The following BIRC6 variants were observed in gnomAD, a reference collection of about 807,000 sequenced individuals.
BIRC6 encodes the protein dual E2 ubiquitin-conjugating enzyme/E3 ubiquitin-protein ligase BIRC6.
In BIRC6, 98 loss-of-function variants were observed where a neutral mutation model predicts 503.3. The observed-to-expected ratio is 0.19, with a 90% CI of 0.17 to 0.23. The LOEUF (loss-of-function observed/expected upper bound fraction) is 0.23. Among genes scored for constraint, BIRC6 ranks in the 10% least tolerant of loss-of-function variants. The pLI is 1.00. For missense variants in BIRC6, 5,360 were observed against 5,806.0 expected (o/e 0.92, Z 2.50); for synonymous variants, 2,240 against 2,078.7 (o/e 1.08, Z -2.11).
chr2:32,512,238 T>C (rs2054524497), intron 53 of BIRC6, among the ~76,000 whole-genome samples: 1 of 152,182 alleles, frequency 6.6e-6, no homozygotes, highest in Non-Finnish European at 1.5e-5. Context: ...TTTCTTTTAG[T>C]GTGAAGCCAA....
intron 39 of BIRC6, among the ~76,000 whole-genome samples, chr2:32,483,219 A>AT (rs1321583395): frequency 6.6e-6 from 1 of 151,894 alleles, no homozygotes; most frequent in Non-Finnish European, 1.5e-5. Flanking sequence ...GCCTGGCTTT[A>AT]TTTTTACACT....
intron 3 of BIRC6, among the ~76,000 whole-genome samples, chr2:32,387,620 G>A (rs551809254): frequency 6.1e-4 from 93 of 152,310 alleles, no homozygotes; most frequent in African/African-American, 1.8e-3. Context: ...TATAAGGCCT[G>A]TGTTTTTAGT....
intron 1 of BIRC6, among the ~76,000 whole-genome samples, chr2:32,358,342 T>G (rs2033512396): frequency 6.6e-6 from 1 of 152,044 alleles, no homozygotes; most frequent in South Asian, 2.1e-4. Context: ...CACTTCTGGG[T>G]GGCGTAAACC....
chr2:32,436,754 G>T (rs1339050354), intron 15 of BIRC6, among the ~76,000 whole-genome samples: 1 of 152,018 alleles, frequency 6.6e-6, no homozygotes, highest in Non-Finnish European at 1.5e-5. Flanking sequence ...AGTAGAGATG[G>T]GGTTTCACCA....
intron 9 of BIRC6, among the ~76,000 whole-genome samples, chr2:32,411,232 T>C (rs2041837972): frequency 6.7e-6 from 1 of 150,122 alleles, no homozygotes; most frequent in African/African-American, 2.5e-5. Context: ...GAGACGGGAG[T>C]TTCACCATGT....
rs371138775 is a variant in BIRC6 at position 32,617,743 on chromosome 2, C to T, written c.14413C>T (p.Arg4805Cys). Residue 4805 changes from arginine (R) to cysteine (C), a missense_variant, in exon 74 of 74, where the codon CGC becomes TGC. Physicochemically the swap from Arg to Cys is radical, Grantham distance 180. This residue lies in a region of BIRC6 where 140 missense variants were observed against 130.2 expected (regional missense o/e 1.07). Coordinates refer to ENST00000421745, the MANE Select transcript of BIRC6 (RefSeq NM_016252.4). The stretch of plus-strand genomic sequence containing the variant: ...TGCATAGCGTCACACTGCTCAGCTC[C>T]GCGAAGAGTTGCTGAAACTTCCCTG... ...AALKRHTAQLREELLKLPCPE... is the reference protein window; with the variant it reads ...AALKRHTAQLCEELLKLPCPE... The T allele has an allele frequency of 8.7e-6, 14 of 1,613,806 alleles. No homozygotes were observed. The highest frequency in any genetic ancestry group is 2.7e-5 in the African/African-American group (2 of 74,918).
At chr2:32,453,063 G>T (rs2046883358) in intron 22 of BIRC6, among the ~76,000 whole-genome samples, 3 of 149,362 alleles carry the variant, frequency 2.0e-5, no homozygotes, top group South Asian at 2.1e-4. Flanking sequence ...TTAAATGAGT[G>T]CTAATTCCAA....
At chr2:32,532,909 C>G (rs1045105511) in intron 61 of BIRC6, among the ~76,000 whole-genome samples, 1 of 151,818 alleles carries the variant, frequency 6.6e-6, no homozygotes, top group African/African-American at 2.4e-5. Context: ...GTAATACATA[C>G]CTAAGAATGT....
intron 69 of BIRC6, among the ~76,000 whole-genome samples, chr2:32,599,014 T>TC (rs1460294118): frequency 6.7e-5 from 5 of 74,508 alleles, no homozygotes; most frequent in South Asian, 4.9e-4. Flanking sequence ...GGAGTGAAAC[T>TC]CCATCTCAAA....
intron 44 of BIRC6, among the ~76,000 whole-genome samples, chr2:32,493,169 G>A (rs554765834): frequency 3.4e-4 from 51 of 151,770 alleles, no homozygotes; most frequent in African/African-American, 1.2e-3. Flanking sequence ...ATTTGATTTT[G>A]AAATGGGGTA....
At position 32,463,439 on chromosome 2, in the gene BIRC6, G is replaced by A. The variant is rs570335411; in HGVS notation, c.4941+58G>A. On this transcript the variant is annotated intron_variant, in intron 24 of 73. Coordinates refer to ENST00000421745, the MANE Select transcript of BIRC6 (RefSeq NM_016252.4). ...TCTCTAAACTTCAAAAGCTGAAAAAGTACTTTAAAAATGACCATTATTTTC... is the reference window on the plus strand; with the variant it reads ...TCTCTAAACTTCAAAAGCTGAAAAAATACTTTAAAAATGACCATTATTTTC... 1.3e-3 allele frequency: 1,963 copies of A among 1,457,250 alleles called. 2 individuals are homozygous for A. Among genetic ancestry groups the A allele is most frequent in the Admixed American group, 1.7e-3 (65 of 39,310 alleles). 90.3% of individuals were successfully genotyped at this position (1,457,250 alleles called of 1,614,324 possible). A position where few individuals can be genotyped will look rare whatever the true frequency, so the allele number is the denominator to read the frequency against.
At chr2:32,467,259 G>A (rs1307952307) in intron 26 of BIRC6, among the ~76,000 whole-genome samples, 3 of 152,160 alleles carry the variant, frequency 2.0e-5, no homozygotes, top group African/African-American at 7.2e-5. Flanking sequence ...AGGTCCCCCA[G>A]TAGCTGGGAC....
At chr2:32,479,324 A>G in intron 36 of BIRC6, 138 bp from the exon 37 acceptor site, 1 of 773,528 alleles carries the variant, frequency 1.3e-6, no homozygotes. Flanking sequence ...GGGGGTGGGA[A>G]CTCATTTGCC....
At chr2:32,377,931 C>A (rs2037055098) in intron 2 of BIRC6, among the ~76,000 whole-genome samples, 162 bp downstream of exon 2, 1 of 151,982 alleles carries the variant, frequency 6.6e-6, no homozygotes, top group African/African-American at 2.4e-5. Context: ...TAATACTCAC[C>A]TTTTCTCTGC....
Position 32,416,092 on chromosome 2 carries a change from C to G in BIRC6, c.2801C>G (p.Thr934Ser), listed in dbSNP as rs769225300. 1.9e-6 allele frequency: 3 copies of G among 1,613,828 alleles called. No individual in the cohort carries two copies. Among genetic ancestry groups the G allele is most frequent in the Non-Finnish European group, 2.5e-6 (3 of 1,179,842 alleles). Residue 934 changes from threonine (T) to serine (S), a missense_variant, in exon 10 of 74, where the codon ACT becomes AGT. Physicochemically the swap from Thr to Ser is moderately conservative, Grantham distance 58. Around this residue, in one of 16 missense-constraint regions of BIRC6, gnomAD observed 700 missense variants for 739.3 expected, o/e 0.95. Transcript: ENST00000421745. ...GTGGAGCCTCCCAAAAAGGAGGGCA[C>G]TGAGGAACAGGACACATTTGTTTCT... The part of the protein sequence containing the change: ...AKVEPPKKEG[T>S]EEQDTFVSVI...
chr2:32,455,325 A>G (rs1006044305), intron 23 of BIRC6, among the ~76,000 whole-genome samples: 2 of 146,752 alleles, frequency 1.4e-5, no homozygotes, highest in Non-Finnish European at 3.0e-5. Flanking sequence ...GCTTGCAGTG[A>G]GCTGAGATCG....
At position 32,518,210 on chromosome 2, in the gene BIRC6, A is replaced by G. The variant is rs781202904; in HGVS notation, c.11350-44A>G. The G allele has an allele frequency of 2.0e-5, 31 of 1,546,812 alleles. 1 individual carries two copies. The Admixed American group carries it at 4.0e-4, about 20-fold the overall frequency. On this transcript the variant is annotated intron_variant, in intron 55 of 73. Transcript: ENST00000421745. ...TTTATCTTTCAAAATAAAAAGCTGC[A>G]TATAAATCTTGCATTTAACTTTTTA...
chr2:32,470,884 A>G (rs1030331578), intron 31 of BIRC6, 130 bp from the exon 32 acceptor site: 2 of 897,348 alleles, frequency 2.2e-6, no homozygotes, highest in Non-Finnish European at 3.2e-6. Flanking sequence ...ATTACATATA[A>G]ATATTAGTGT....
chr2:32,450,994 A>G (rs1355252148), intron 22 of BIRC6, among the ~76,000 whole-genome samples: 3 of 152,196 alleles, frequency 2.0e-5, no homozygotes, highest in African/African-American at 7.2e-5. Flanking sequence ...ACCCACAGAT[A>G]CAGAGAGCTG....
Sources: allele counts gnomAD v4.1 joint callset (sites outside exome capture counted in the v4.1 genomes callset), GRCh38; gene constraint gnomAD v4.1.1; regional missense constraint gnomAD v4.1.1; transcripts MANE v1.5; gene names NCBI Gene and HGNC (gene_info 2026-07-23, HGNC 2026-07-21).